ANKRD6: variants seen among roughly 807,000 people sequenced by gnomAD.
The protein encoded by ANKRD6 is ankyrin repeat domain 6, also known as ankyrin repeat domain-containing protein 6.
ANKRD6 carries 56 observed loss-of-function variants against 82.3 expected under a neutral mutation model. The observed-to-expected ratio is 0.68, with a 90% CI of 0.55 to 0.85. The LOEUF is 0.85. Ranked by LOEUF, ANKRD6 falls within the 40% of genes least tolerant of loss-of-function variation. The pLI is 0.00. For synonymous variants in ANKRD6, 347 were observed against 352.1 expected (o/e 0.99, Z 0.16); for missense variants, 852 against 907.6 (o/e 0.94, Z 0.79).
chr6:89,616,830 C>T (rs2128231840), intron 8 of ANKRD6, 173 bp downstream of exon 8: 1 of 720,116 alleles, frequency 1.4e-6, no homozygotes, highest in Admixed American at 2.0e-5. Flanking sequence ...TACCCCTGCT[C>T]TGAGCAGCCC....
intron 1 of ANKRD6, among the ~76,000 whole-genome samples, chr6:89,542,850 G>A (rs573668851): frequency 5.9e-5 from 9 of 152,276 alleles, no homozygotes; most frequent in African/African-American, 2.2e-4. Flanking sequence ...TTACTGAAAG[G>A]TATTCTTAAT....
chr6:89,587,549 T>G (rs913628369), intron 2 of ANKRD6, among the ~76,000 whole-genome samples: 8 of 152,196 alleles, frequency 5.3e-5, no homozygotes, highest in African/African-American at 1.7e-4. Flanking sequence ...AATAACTGAT[T>G]CCTAACAATA....
chr6:89,445,024 C>T (rs1299111278), intron 1 of ANKRD6, among the ~76,000 whole-genome samples: 2 of 152,058 alleles, frequency 1.3e-5, no homozygotes, highest in Non-Finnish European at 2.9e-5. Flanking sequence ...ATGAGCTCCC[C>T]TAGTCCCTAG....
chr6:89,484,739 A>G (rs569779899), intron 1 of ANKRD6, among the ~76,000 whole-genome samples: 1 of 152,268 alleles, frequency 6.6e-6, no homozygotes, highest in Non-Finnish European at 1.5e-5. Flanking sequence ...ATGAGATTGG[A>G]AAAAAAAGTT....
intron 2 of ANKRD6, among the ~76,000 whole-genome samples, chr6:89,571,083 G>A (rs553193859): frequency 6.6e-5 from 10 of 151,918 alleles, no homozygotes; most frequent in Admixed American, 1.3e-4. Flanking sequence ...TCGGAGTCTC[G>A]CTCTGTCGCC....
chr6:89,601,776 A>G (rs973349690), intron 3 of ANKRD6: 1 of 152,082 alleles, frequency 6.6e-6, no homozygotes, highest in African/African-American at 2.4e-5. Context: ...TTTAATGTGC[A>G]TTGTTTGTTA....
intron 1 of ANKRD6, chr6:89,561,097 C>T (rs12528828): frequency 0.23 from 35,120 of 151,978 alleles, 4,267 homozygotes; most frequent in South Asian, 0.47. Context: ...CATCTTTATT[C>T]GGTGATATGT....
At chr6:89,579,533 G>A (rs959070856) in intron 2 of ANKRD6, among the ~76,000 whole-genome samples, 5 of 152,094 alleles carry the variant, frequency 3.3e-5, no homozygotes, top group African/African-American at 1.2e-4. Context: ...CACTTTGGGA[G>A]GTCAAGGCTG....
intron 1 of ANKRD6, among the ~76,000 whole-genome samples, chr6:89,558,157 T>C (rs992320570): frequency 6.6e-6 from 1 of 152,200 alleles, no homozygotes; most frequent in Non-Finnish European, 1.5e-5. Context: ...GAAGACAGTA[T>C]AGACATTTCT....
Position 89,462,837 on chromosome 6 carries a change from A to G in ANKRD6, c.-144+29462A>G, listed in dbSNP as rs1472611672. Reference sequence around the variant, plus strand: ...TGTAGAAAAGTACACGAGTACCCCTATGTATTGACCACCAAGATGAGTTTT... The same window carrying G: ...TGTAGAAAAGTACACGAGTACCCCTGTGTATTGACCACCAAGATGAGTTTT... On this transcript the variant is annotated intron_variant, in intron 1 of 15. Coordinates refer to ENST00000339746, the MANE Select transcript of ANKRD6 (RefSeq NM_001242809.2). Among the ~76,000 whole-genome samples the G allele has an allele frequency of 4.7e-5, 7 of 148,536 alleles. No homozygotes were observed. In the South Asian group the frequency reaches 6.5e-4, roughly 14 times the overall value.
chr6:89,524,668 C>T (rs935173771), intron 1 of ANKRD6, among the ~76,000 whole-genome samples: 2 of 151,994 alleles, frequency 1.3e-5, no homozygotes, highest in African/African-American at 2.4e-5. Flanking sequence ...TTTGCAGTTG[C>T]GAGTTGTGGG....
chr6:89,623,915 C>T lies in ANKRD6; in HGVS notation c.1076C>T (p.Pro359Leu). 1 of 1,613,896 alleles carries T rather than the reference C, an allele frequency of 6.2e-7. No individual in the cohort carries two copies. Among genetic ancestry groups the T allele is most frequent in the Non-Finnish European group, 8.5e-7 (1 of 1,179,862 alleles). The change falls in exon 12 of 16, where the codon CCT becomes CTT. Residue 359 changes from proline (P) to leucine (L), a missense_variant. Pro to Leu is a moderately conservative substitution (Grantham distance 98, BLOSUM62 -3). Coordinates refer to ENST00000339746, the MANE Select transcript of ANKRD6 (RefSeq NM_001242809.2). ...CCCACCCCACCAGCCGACCAACAGC[C>T]TGGACACCAGAAGAACCTGCATGCT... ...SDPTPPADQQ[P>L]GHQKNLHAHN...
intron 1 of ANKRD6, among the ~76,000 whole-genome samples, chr6:89,504,158 C>T (rs1054737857): frequency 1.1e-4 from 17 of 149,846 alleles, no homozygotes; most frequent in East Asian, 5.9e-4. Context: ...GAAGGAAGAA[C>T]GGAAACAGAA....
chr6:89,611,918 GAA>G (rs1800337705), intron 5 of ANKRD6, among the ~76,000 whole-genome samples: 1 of 152,236 alleles, frequency 6.6e-6, no homozygotes, highest in Non-Finnish European at 1.5e-5. Flanking sequence ...TGTGTGTTAA[GAA>G]AACACCTTCC....
intron 1 of ANKRD6, among the ~76,000 whole-genome samples, chr6:89,557,750 A>G (rs1786815155): frequency 6.6e-6 from 1 of 152,080 alleles, no homozygotes; most frequent in African/African-American, 2.4e-5. Flanking sequence ...CATCACTTGC[A>G]TTACTGCCTG....
In ANKRD6 at chr6:89,606,123, C is replaced by T; in HGVS notation, c.417+18C>T. On this transcript the variant is annotated intron_variant, in intron 5 of 15. Transcript: ENST00000339746. ...AGAACAAGGTGAGGCCTGGCAGATGCTAGAATGCCTCATTCACAGGTGAGG... is the reference window on the plus strand; with the variant it reads ...AGAACAAGGTGAGGCCTGGCAGATGTTAGAATGCCTCATTCACAGGTGAGG... 1 of 1,528,980 alleles carries T rather than the reference C, an allele frequency of 6.5e-7. No homozygotes were observed. The allele number at this position is 1,528,980 out of a possible 1,614,324, so 94.7% of individuals were successfully genotyped here.
intron 1 of ANKRD6, among the ~76,000 whole-genome samples, chr6:89,492,587 C>T (rs1349675295): frequency 2.0e-5 from 3 of 152,182 alleles, no homozygotes; most frequent in Admixed American, 6.5e-5. Flanking sequence ...CTTGAACCTG[C>T]ACTTCTCACT....
intron 1 of ANKRD6, among the ~76,000 whole-genome samples, chr6:89,455,734 T>G (rs1416489554): frequency 6.6e-6 from 1 of 152,162 alleles, no homozygotes; most frequent in Non-Finnish European, 1.5e-5. Flanking sequence ...TGCTTCCCCT[T>G]CACCTTCTGC....
chr6:89,515,656 A>T (rs1008546772), intron 1 of ANKRD6, among the ~76,000 whole-genome samples: 1 of 152,308 alleles, frequency 6.6e-6, no homozygotes, highest in African/African-American at 2.4e-5. Context: ...CCTCTCCTGG[A>T]TTATATGGAC....
Sources: gnomAD v4.1 joint callset for allele counts (sites outside exome capture counted in the v4.1 genomes callset) on GRCh38, gnomAD v4.1.1 for gene constraint, MANE v1.5 for transcripts, NCBI Gene and HGNC (gene_info 2026-07-23, HGNC 2026-07-21) for gene names.